Variants in CDKN2B observed in about 807,000 individuals in gnomAD.
CDKN2B encodes the protein cyclin dependent kinase inhibitor 2B, also known as cyclin-dependent kinase 4 inhibitor B.
Under a neutral mutation model 7.7 loss-of-function variants are expected in CDKN2B, and 8 were observed. The ratio of observed to expected loss-of-function variants is 1.04; its 90% CI spans 0.61 to 1.87. The LOEUF (loss-of-function observed/expected upper bound fraction) is 1.87. Among genes scored for constraint, CDKN2B ranks in the 40% most tolerant of loss-of-function variants. CDKN2B has a pLI of 0.00. For missense variants in CDKN2B, 244 were observed against 213.1 expected (o/e 1.15, Z -0.90); for synonymous variants, 93 against 95.8 (o/e 0.97, Z 0.17).
In CDKN2B at chr9:22,003,733, G is replaced by A. The variant is rs1394758497; in HGVS notation, c.*2254C>T. On this transcript the variant is annotated 3_prime_UTR_variant, in exon 2 of 2. Coordinates refer to ENST00000276925, the MANE Select transcript of CDKN2B (RefSeq NM_004936.4). ...CCATTATCTTTGTTCCAAAAATTTG[G>A]GTTTTTATAGGTGTGTTGGGGGGGG... is the stretch of plus-strand genomic sequence containing the variant. 4.3e-6 allele frequency: 1 copy of A among 231,734 alleles called. No homozygotes were observed. The highest frequency in any genetic ancestry group is 5.6e-5 in the Admixed American group (1 of 17,738). 14.4% of individuals were successfully genotyped at this position (231,734 alleles called of 1,614,324 possible).
Position 22,009,057 on chromosome 9 carries a change from T to G in CDKN2B, c.-104A>C, listed in dbSNP as rs1200178917. 6.5e-7 allele frequency: 1 copy of G among 1,538,528 alleles called. No individual in the cohort carries two copies. The highest frequency in any genetic ancestry group is 9.0e-7 in the Non-Finnish European group (1 of 1,115,928). On this transcript the variant is annotated 5_prime_UTR_variant, in exon 1 of 2. Transcript: ENST00000276925. ...CACGCTGCTCCGGCGCACTCTCTCC[T>G]TCCTAGGAGACCTGGGCTCAGCTTC... is the stretch of plus-strand genomic sequence containing the variant.
chr9:22,007,337 C>T (rs148289919), intron 1 of CDKN2B, among the ~76,000 whole-genome samples: 122 of 149,864 alleles, frequency 8.1e-4, no homozygotes, highest in African/African-American at 2.8e-3. Flanking sequence ...CCAGCCTGTC[C>T]GACAGAGTGA....
chr9:22,005,744 C>A lies in CDKN2B; in HGVS notation c.*243G>T. On this transcript the variant is annotated 3_prime_UTR_variant, in exon 2 of 2. Transcript: ENST00000276925. This position sits in a 1 kb window ranked among gnomAD's most constrained non-coding sequence, Gnocchi z 4.9. ...TGGAATGTCACACACTCCTAAATAT[C>A]CCTGGAAATCCGCTTCTCTGTGTTT... 1.7e-6 allele frequency: 1 copy of A among 603,832 alleles called. No homozygotes were observed. Among genetic ancestry groups the A allele is most frequent in the Non-Finnish European group, 2.9e-6 (1 of 340,884 alleles). The allele number at this position is 603,832 out of a possible 1,614,324, so 37.4% of individuals were successfully genotyped here.
rs898191955 is a variant in CDKN2B at position 22,004,705 on chromosome 9, TC to T, written c.*1281del. The T allele has an allele frequency of 4.3e-6, 1 of 232,784 alleles. No homozygotes were observed. The highest frequency in any genetic ancestry group is 8.5e-6 in the Non-Finnish European group (1 of 117,776). 14.4% of individuals were successfully genotyped at this position (232,784 alleles called of 1,614,324 possible). ...TGATAGTAGGACATCCCACGAGCCA[TC>T]ATATATTTTCAAGTTTTTATACTCA... On this transcript the variant is annotated 3_prime_UTR_variant, in exon 2 of 2. Coordinates refer to ENST00000276925, the MANE Select transcript of CDKN2B (RefSeq NM_004936.4).
rs376104829 is a variant in CDKN2B, at chr9:22,006,090, C to T, written c.314G>A (p.Arg105Gln). ...TLVVLHRAGA[R>Q]LDVRDAWGRL... is the part of the protein sequence containing the mutation. ...ACCCCAGGCATCGCGCACGTCCAGC[C>T]GCGCCCCGGCCCGGTGCAGCACCAC... The change falls in exon 2 of 2, where the codon CGG becomes CAG. Residue 105 changes from arginine to glutamine, a missense_variant. Physicochemically the swap from Arg to Gln is conservative, Grantham distance 43. Coordinates refer to ENST00000276925, the MANE Select transcript of CDKN2B (RefSeq NM_004936.4). This position sits in a 1 kb window ranked among gnomAD's most constrained non-coding sequence, Gnocchi z 6.4. 4.4e-6 allele frequency: 7 copies of T among 1,608,062 alleles called. No homozygotes were observed. The highest frequency in any genetic ancestry group is 5.1e-6 in the Non-Finnish European group (6 of 1,179,714).
intron 1 of CDKN2B, chr9:22,008,586 A>C: frequency 7.1e-7 from 1 of 1,400,154 alleles, no homozygotes; most frequent in Non-Finnish European, 9.6e-7. Flanking sequence ...AACAAAAACC[A>C]CTAAAAAAAG....
At position 22,009,117 on chromosome 9, in the gene CDKN2B, C is replaced by T; in HGVS notation, c.-164G>A. ...CCGTCGTCCTTCTGCGGCTTGGGGC[C>T]CCGTGCAGTGGCCGAGCGGCCGGTC... On this transcript the variant is annotated 5_prime_UTR_variant, in exon 1 of 2. Transcript: ENST00000276925. 1.9e-6 allele frequency: 2 copies of T among 1,034,686 alleles called. No homozygotes were observed. Among genetic ancestry groups the T allele is most frequent in the African/African-American group, 1.6e-5 (1 of 62,854 alleles). The allele number at this position is 1,034,686 out of a possible 1,614,324, so 64.1% of individuals were successfully genotyped here.
chr9:22,008,630 G>A lies in CDKN2B; in HGVS notation c.156+168C>T, dbSNP rs749602918. ...GTGGGTTTTTCAATGTCTCTCTTTA[G>A]GATTTTTGCTGGGTAAAAGCCTGTT... On this transcript the variant is annotated intron_variant, in intron 1 of 1. Coordinates refer to ENST00000276925, the MANE Select transcript of CDKN2B (RefSeq NM_004936.4). 4 of 1,585,656 alleles carry A rather than the reference G, an allele frequency of 2.5e-6. No individual in the cohort carries two copies. The Admixed American group carries it at 5.2e-5, about 21-fold the overall frequency.
Position 22,003,508 on chromosome 9 carries a change from AG to A in CDKN2B, c.*2478del. On this transcript the variant is annotated 3_prime_UTR_variant, in exon 2 of 2. Coordinates refer to ENST00000276925, the MANE Select transcript of CDKN2B (RefSeq NM_004936.4). ...AAACATCTTGGAATTTAAGATATAG[AG>A]GTCAAATTAAGGGATTTTATAAACC... 4.4e-6 allele frequency: 1 copy of A among 229,024 alleles called. No homozygotes were observed. Among genetic ancestry groups the A allele is most frequent in the East Asian group, 6.3e-5 (1 of 15,800 alleles). The allele number at this position is 229,024 out of a possible 1,614,324, so 14.2% of individuals were successfully genotyped here.
chr9:22,009,045 C>G lies in CDKN2B; in HGVS notation c.-92G>C. ...TCCCTTCTTTCCCACGCTGCTCCGG[C>G]GCACTCTCTCCTTCCTAGGAGACCT... On this transcript the variant is annotated 5_prime_UTR_variant, in exon 1 of 2. Coordinates refer to ENST00000276925, the MANE Select transcript of CDKN2B (RefSeq NM_004936.4). 1.3e-6 allele frequency: 2 copies of G among 1,573,474 alleles called. No homozygotes were observed. Among genetic ancestry groups the G allele is most frequent in the East Asian group, 2.2e-5 (1 of 44,588 alleles).
rs1053313382 is a variant in CDKN2B at position 22,004,943 on chromosome 9, C to T, written c.*1044G>A. ...GTTTGCACTGAGTTTGCAACAGTGC[C>T]ATTGCTACATTTAAGAGCTGTAGTT... On this transcript the variant is annotated 3_prime_UTR_variant, in exon 2 of 2. Coordinates refer to ENST00000276925, the MANE Select transcript of CDKN2B (RefSeq NM_004936.4). 8.6e-6 allele frequency: 2 copies of T among 233,126 alleles called. No homozygotes were observed. Among genetic ancestry groups the T allele is most frequent in the Non-Finnish European group, 1.7e-5 (2 of 118,062 alleles). The allele number at this position is 233,126 out of a possible 1,614,324, so 14.4% of individuals were successfully genotyped here. A position where few individuals can be genotyped will look rare whatever the true frequency, so the allele number is the denominator to read the frequency against.
At chr9:22,007,361 A>G (rs2131185262) in intron 1 of CDKN2B, among the ~76,000 whole-genome samples, 1 of 152,288 alleles carries the variant, frequency 6.6e-6, no homozygotes, top group East Asian at 1.9e-4. Context: ...CTCATCTCAA[A>G]AAAAATAAAA....
chr9:22,009,274 G>C lies in CDKN2B; in HGVS notation c.-321C>G. On this transcript the variant is annotated 5_prime_UTR_variant, in exon 1 of 2. Coordinates refer to ENST00000276925, the MANE Select transcript of CDKN2B (RefSeq NM_004936.4). ...CCGCAGGGTGCGGACGCGTCGCGGA[G>C]TCCTCACTGCCCCGCCTCGCTCTGG... The C allele has an allele frequency of 2.0e-6, 1 of 509,068 alleles. No homozygotes were observed. Among genetic ancestry groups the C allele is most frequent in the Non-Finnish European group, 3.5e-6 (1 of 282,950 alleles). The allele number at this position is 509,068 out of a possible 1,614,324, so 31.5% of individuals were successfully genotyped here. A position where few individuals can be genotyped will look rare whatever the true frequency, so the allele number is the denominator to read the frequency against.
chr9:22,006,304 G>C lies in CDKN2B; in HGVS notation c.157-57C>G. ...GGTGGGGGCAGGTATGGGAGATGCC[G>C]GCCGGGGCAAGGCAGGTGGAGCCAT... On this transcript the variant is annotated intron_variant, in intron 1 of 1. Coordinates refer to ENST00000276925, the MANE Select transcript of CDKN2B (RefSeq NM_004936.4). This position sits in a 1 kb window ranked among gnomAD's most constrained non-coding sequence, Gnocchi z 6.4. 6.3e-7 allele frequency: 1 copy of C among 1,596,538 alleles called. No homozygotes were observed. Among genetic ancestry groups the C allele is most frequent in the Non-Finnish European group, 8.5e-7 (1 of 1,178,384 alleles).
In CDKN2B at chr9:22,006,798, G is replaced by A. The variant is rs983005355; in HGVS notation, c.157-551C>T. Among the ~76,000 whole-genome samples, 7 of 151,604 alleles carry A rather than the reference G, an allele frequency of 4.6e-5. No homozygotes were observed. Among genetic ancestry groups the A allele is most frequent in the Admixed American group, 6.6e-5 (1 of 15,228 alleles). ...TTAGTTCTCATAGCAAATCCCGTGC[G>A]GAAGGCTTTTGTTTGTCATGTGTCT... On this transcript the variant is annotated intron_variant, in intron 1 of 1. Transcript: ENST00000276925. The surrounding 1 kb of genome is among the most constrained non-coding windows in gnomAD (Gnocchi z 6.4).
chr9:22,008,101 T>C (rs1343255692), intron 1 of CDKN2B, among the ~76,000 whole-genome samples: 1 of 152,214 alleles, frequency 6.6e-6, no homozygotes, highest in Admixed American at 6.5e-5. Context: ...ATAAGTGTAT[T>C]TTAACAATGA....
Position 22,003,450 on chromosome 9 carries a change from T to G in CDKN2B, c.*2537A>C. ...TCATATCTATTTCAAGGGATAATTT[T>G]TCATGACCCAGTATAATGCAACTAG... On this transcript the variant is annotated 3_prime_UTR_variant, in exon 2 of 2. Coordinates refer to ENST00000276925, the MANE Select transcript of CDKN2B (RefSeq NM_004936.4). The G allele has an allele frequency of 4.4e-6, 1 of 227,632 alleles. No individual in the cohort carries two copies. The highest frequency in any genetic ancestry group is 8.7e-6 in the Non-Finnish European group (1 of 114,612). 14.1% of individuals were successfully genotyped at this position (227,632 alleles called of 1,614,324 possible).
Position 22,006,143 on chromosome 9 carries a change from A to AGCATCATGCACCGGTC in CDKN2B, c.245_260dup (p.Ala88ThrfsTer4), listed in dbSNP as rs1821172077. 4 of 1,611,548 alleles carry AGCATCATGCACCGGTC rather than the reference A, an allele frequency of 2.5e-6. No homozygotes were observed. The highest frequency in any genetic ancestry group is 3.4e-6 in the Non-Finnish European group (4 of 1,179,878). Reference sequence around the variant, plus strand: ...GCGTGTCCAGGAAGCCCTCCCGGGCAGCATCATGCACCGGTCGGGTGAGAG... The same window carrying AGCATCATGCACCGGTC: ...GCGTGTCCAGGAAGCCCTCCCGGGCAGCATCATGCACCGGTCGCATCATGCACCGGTCGGGTGAGAG... On this transcript the variant is annotated stop_gained and frameshift_variant, in exon 2 of 2. Coordinates refer to ENST00000276925, the MANE Select transcript of CDKN2B (RefSeq NM_004936.4). LOFTEE classifies it high-confidence loss of function. The surrounding 1 kb of genome is among the most constrained non-coding windows in gnomAD (Gnocchi z 6.4).
In CDKN2B at chr9:22,008,776, G is replaced by A. The variant is rs202161436; in HGVS notation, c.156+22C>T. ...CCGCGTTCGCGCGCCCCCTGCCGGC[G>A]AGGCCCTGGGGCCCCAGCTACCTGG... On this transcript the variant is annotated intron_variant, in intron 1 of 1. Coordinates refer to ENST00000276925, the MANE Select transcript of CDKN2B (RefSeq NM_004936.4). 8 of 1,608,096 alleles carry A rather than the reference G, an allele frequency of 5.0e-6. No homozygotes were observed. Among genetic ancestry groups the A allele is most frequent in the Middle Eastern group, 3.3e-4 (2 of 6,050 alleles).
Sources: gnomAD v4.1 joint callset for allele counts (sites outside exome capture counted in the v4.1 genomes callset) on GRCh38, gnomAD v4.1.1 for gene constraint, Gnocchi (gnomAD v3.1) non-coding constraint, MANE v1.5 for transcripts, NCBI Gene and HGNC (gene_info 2026-07-23, HGNC 2026-07-21) for gene names.